Variants in TCEANC2 observed in about 807,000 individuals in gnomAD.
TCEANC2 encodes the protein transcription elongation factor A N-terminal and central domain containing 2, also known as transcription elongation factor A N-terminal and central domain-containing protein 2.
A neutral mutation model predicts 22.8 loss-of-function variants in TCEANC2; 20 were observed. The observed-to-expected ratio is 0.88, with a 90% CI of 0.62 to 1.28. TCEANC2 has a LOEUF of 1.28. Among genes scored for constraint, TCEANC2 ranks in the 50% most tolerant of loss-of-function variants. The pLI is 0.00. For synonymous variants in TCEANC2, 84 were observed against 95.5 expected (o/e 0.88, Z 0.70); for missense variants, 251 against 249.7 (o/e 1.01, Z -0.03).
At chr1:54,111,848 G>A (rs1658845793) in exon 5 of TCEANC2, 2 of 152,352 alleles carry the variant, frequency 1.3e-5, no homozygotes, top group South Asian at 4.1e-4. Context: ...CTCCCTCTCT[G>A]GCAAGGCTGT....
chr1:54,054,330 A>G (rs1328742272), intron 1 of TCEANC2, 51 bp from the exon 2 acceptor site: 2 of 1,546,032 alleles, frequency 1.3e-6, no homozygotes, highest in Non-Finnish European at 1.7e-6. Context: ...GGGAAAAAAT[A>G]TCATGGCAGT....
intron 3 of TCEANC2, among the ~76,000 whole-genome samples, chr1:54,076,513 C>T (rs1396945207): frequency 6.6e-6 from 1 of 152,122 alleles, no homozygotes; most frequent in Non-Finnish European, 1.5e-5. Flanking sequence ...CATTGATGGG[C>T]ATTTCAATTG....
intron 3 of TCEANC2, among the ~76,000 whole-genome samples, chr1:54,085,088 A>G (rs987619259): frequency 1.2e-4 from 18 of 152,328 alleles, no homozygotes; most frequent in Admixed American, 4.6e-4. Context: ...TCCCAGGTCC[A>G]TAGAAAGGCT....
In TCEANC2 at chr1:54,096,347, T is replaced by C; in HGVS notation, c.501T>C (p.Ile167=). 1.2e-6 allele frequency: 2 copies of C among 1,610,754 alleles called. No individual in the cohort carries two copies. The highest frequency in any genetic ancestry group is 1.7e-6 in the Non-Finnish European group (2 of 1,177,064). ...CGTTTCATCTCTGCTCCCGCCTCAT[T>C]AATGGGCCGTACCGGCGGACGGTGA... is the stretch of plus-strand genomic sequence containing the variant. The part of the protein sequence containing the change: ...RETFHLCSRL[I]NGPYRRTVRA... Residue 167 remains isoleucine, a synonymous_variant, in exon 5 of 5, where the codon ATT becomes ATC. Coordinates refer to ENST00000234827, the MANE Select transcript of TCEANC2 (RefSeq NM_153035.3). The surrounding 1 kb of genome is among the most constrained non-coding windows in gnomAD (Gnocchi z 4.9).
intron 3 of TCEANC2, among the ~76,000 whole-genome samples, chr1:54,076,928 G>A (rs1012372112): frequency 6.6e-6 from 1 of 152,184 alleles, no homozygotes; most frequent in Non-Finnish European, 1.5e-5. Flanking sequence ...AGCAAGTTAA[G>A]GGGGATGGGG....
At chr1:54,088,557 T>G in intron 3 of TCEANC2, 40 bp from the exon 4 acceptor site, 1 of 1,539,496 alleles carries the variant, frequency 6.5e-7, no homozygotes, top group South Asian at 1.2e-5. Context: ...CAGAAGAAGA[T>G]GTAACAACCT....
chr1:54,109,222 G>A (rs1658805905), downstream of TCEANC2, among the ~76,000 whole-genome samples: 1 of 152,204 alleles, frequency 6.6e-6, no homozygotes, highest in African/African-American at 2.4e-5. Flanking sequence ...CTTGTGAGCT[G>A]GGTTTGAGAG....
At chr1:54,064,192 A>G (rs947858736) in intron 2 of TCEANC2, among the ~76,000 whole-genome samples, 2 of 152,248 alleles carry the variant, frequency 1.3e-5, no homozygotes, top group Non-Finnish European at 2.9e-5. Context: ...GATGTAAGTA[A>G]TAGAATTTCT....
Position 54,099,273 on chromosome 1 carries a change from A to G in TCEANC2, c.*2800A>G, listed in dbSNP as rs1178230163. The G allele has an allele frequency of 1.3e-5, 2 of 152,170 alleles. No homozygotes were observed. Among genetic ancestry groups the G allele is most frequent in the African/African-American group, 4.8e-5 (2 of 41,444 alleles). The allele number at this position is 152,170 out of a possible 1,614,324, so 9.4% of individuals were successfully genotyped here. On this transcript the variant is annotated 3_prime_UTR_variant, in exon 5 of 5. Coordinates refer to ENST00000234827, the MANE Select transcript of TCEANC2 (RefSeq NM_153035.3). ...ATGATTGCAGAGATGTGCTTTGGAG[A>G]TTTGGAAAGCAGGCTGTGTTATTTG...
At chr1:54,083,725 G>A (rs1168747234) in intron 3 of TCEANC2, among the ~76,000 whole-genome samples, 1 of 152,132 alleles carries the variant, frequency 6.6e-6, no homozygotes, top group East Asian at 1.9e-4. Context: ...CAGGCTGTTA[G>A]GTTTGTTGAC....
Position 54,096,558 on chromosome 1 carries a change from A to C in TCEANC2, c.*85A>C. 6.7e-7 allele frequency: 1 copy of C among 1,496,956 alleles called. No individual in the cohort carries two copies. Among genetic ancestry groups the C allele is most frequent in the Non-Finnish European group, 8.9e-7 (1 of 1,117,774 alleles). 92.7% of individuals were successfully genotyped at this position (1,496,956 alleles called of 1,614,324 possible). On this transcript the variant is annotated 3_prime_UTR_variant, in exon 5 of 5. Transcript: ENST00000234827. The surrounding 1 kb of genome is among the most constrained non-coding windows in gnomAD (Gnocchi z 4.9). Reference sequence around the variant, plus strand: ...TCAAAGACGCTTTTGAGTTTGGGTGATGGCTGATGCTGGCTGTGCTAGATT... The same window carrying C: ...TCAAAGACGCTTTTGAGTTTGGGTGCTGGCTGATGCTGGCTGTGCTAGATT...
chr1:54,071,370 A>T (rs999606950), intron 3 of TCEANC2, among the ~76,000 whole-genome samples: 7 of 152,322 alleles, frequency 4.6e-5, no homozygotes, highest in Admixed American at 3.3e-4. Flanking sequence ...GGTTGCAGTC[A>T]TCTGAAGGCT....
Position 54,099,603 on chromosome 1 carries a change from A to T in TCEANC2, c.*3130A>T, listed in dbSNP as rs1469984330. On this transcript the variant is annotated 3_prime_UTR_variant, in exon 5 of 5. Transcript: ENST00000234827. ...TACTAAAAATACAAAAATTAGCCAGATATGATGGCAGGCGCCTGTAATCCC... is the reference window on the plus strand; with the variant it reads ...TACTAAAAATACAAAAATTAGCCAGTTATGATGGCAGGCGCCTGTAATCCC... The T allele has an allele frequency of 6.6e-6, 1 of 151,870 alleles. No individual in the cohort carries two copies. Among genetic ancestry groups the T allele is most frequent in the Non-Finnish European group, 1.5e-5 (1 of 67,962 alleles). The allele number at this position is 151,870 out of a possible 1,614,324, so 9.4% of individuals were successfully genotyped here. A position where few individuals can be genotyped will look rare whatever the true frequency, so the allele number is the denominator to read the frequency against.
intron 3 of TCEANC2, among the ~76,000 whole-genome samples, chr1:54,084,204 G>C (rs543877248): frequency 2.0e-5 from 3 of 152,032 alleles, no homozygotes; most frequent in African/African-American, 7.2e-5. Context: ...GTAGAGAGAG[G>C]GTTTCGCCAT....
Position 54,097,718 on chromosome 1 carries a change from G to A in TCEANC2, c.*1245G>A, listed in dbSNP as rs570982523. On this transcript the variant is annotated 3_prime_UTR_variant, in exon 5 of 5. Coordinates refer to ENST00000234827, the MANE Select transcript of TCEANC2 (RefSeq NM_153035.3). ...TTGTTTTCATTTTTTAGATTTATTC[G>A]TTTATTTAGCAACCATTTCCTGAGC... The A allele has an allele frequency of 2.0e-5, 3 of 152,034 alleles. No individual in the cohort carries two copies. Among genetic ancestry groups the A allele is most frequent in the Non-Finnish European group, 2.9e-5 (2 of 68,004 alleles). The allele number at this position is 152,034 out of a possible 1,614,324, so 9.4% of individuals were successfully genotyped here. A position where few individuals can be genotyped will look rare whatever the true frequency, so the allele number is the denominator to read the frequency against.
chr1:54,078,718 C>T (rs1028003583), intron 3 of TCEANC2, among the ~76,000 whole-genome samples: 1 of 152,138 alleles, frequency 6.6e-6, no homozygotes, highest in African/African-American at 2.4e-5. Flanking sequence ...TGCTTGCAAT[C>T]ACCTTAGTAG....
chr1:54,097,020 G>C lies in TCEANC2; in HGVS notation c.*547G>C, dbSNP rs901546520. The C allele has an allele frequency of 1.0e-6, 1 of 983,792 alleles. No individual in the cohort carries two copies. The highest frequency in any genetic ancestry group is 1.2e-6 in the Non-Finnish European group (1 of 828,094). The allele number at this position is 983,792 out of a possible 1,614,324, so 60.9% of individuals were successfully genotyped here. A position where few individuals can be genotyped will look rare whatever the true frequency, so the allele number is the denominator to read the frequency against. On this transcript the variant is annotated 3_prime_UTR_variant, in exon 5 of 5. Coordinates refer to ENST00000234827, the MANE Select transcript of TCEANC2 (RefSeq NM_153035.3). The stretch of plus-strand genomic sequence containing the variant: ...AGAGCTCACTTATCTGAACGTTTCA[G>C]CTCTCCCTGGAAGACCTTCTGCGTT...
intron 2 of TCEANC2, among the ~76,000 whole-genome samples, 170 bp from the exon 3 acceptor site, chr1:54,068,586 A>G (rs528633430): frequency 1.3e-5 from 2 of 152,326 alleles, no homozygotes; most frequent in African/African-American, 4.8e-5. Context: ...ACTAAGCCGT[A>G]CCTGCTTTTA....
At chr1:54,088,054 A>T (rs1474842383) in intron 3 of TCEANC2, among the ~76,000 whole-genome samples, 1 of 152,176 alleles carries the variant, frequency 6.6e-6, no homozygotes, top group Non-Finnish European at 1.5e-5. Flanking sequence ...AACATTGAAC[A>T]GTGGGTTTAG....
Sources: gnomAD v4.1 joint callset for allele counts (sites outside exome capture counted in the v4.1 genomes callset) on GRCh38, gnomAD v4.1.1 for gene constraint, Gnocchi (gnomAD v3.1) non-coding constraint, MANE v1.5 for transcripts, NCBI Gene and HGNC (gene_info 2026-07-23, HGNC 2026-07-21) for gene names.